Variants in RCOR2 observed in about 807,000 individuals in gnomAD.
RCOR2 encodes REST corepressor 2.
RCOR2 carries 19 observed loss-of-function variants against 58.9 expected under a neutral mutation model. That is an observed-to-expected ratio of 0.32 (90% CI 0.23 to 0.47). The LOEUF (loss-of-function observed/expected upper bound fraction) is 0.47, where lower values mean the gene tolerates loss of function less well. Among genes scored for constraint, RCOR2 ranks in the 20% least tolerant of loss-of-function variants. The pLI is 1.00. For synonymous variants in RCOR2, 286 were observed against 278.7 expected, an observed-to-expected ratio of 1.03 and a Z score of -0.26; for missense variants, 590 against 707.9, an observed-to-expected ratio of 0.83 and a Z score of 1.89.
rs1234599833 is a variant in RCOR2, at chr11:63,911,838, C to A, written c.*27G>T. ...GATGGCCAGCAAAGGGGTCCTGGAG[C>A]CCGTGGTTGGTGGAGGACGTCAGGG... On this transcript the variant is annotated 3_prime_UTR_variant, in exon 12 of 12. Coordinates refer to ENST00000301459, the MANE Select transcript of RCOR2 (RefSeq NM_173587.4). 1 of 1,484,382 alleles carries A rather than the reference C, an allele frequency of 6.7e-7. No homozygotes were observed. The highest frequency in any genetic ancestry group is 2.9e-5 in the Admixed American group (1 of 34,692). 92.0% of individuals were successfully genotyped at this position (1,484,382 alleles called of 1,614,324 possible).
At chr11:63,913,881 G>A in intron 8 of RCOR2, 73 bp downstream of exon 8, 1 of 1,381,626 alleles carries the variant, frequency 7.2e-7, no homozygotes, top group Non-Finnish European at 1.0e-6. Flanking sequence ...TTACACCTCA[G>A]CTCCCCCTAG....
chr11:63,912,824 C>G, intron 9 of RCOR2, 46 bp downstream of exon 9: 1 of 1,607,946 alleles, frequency 6.2e-7, no homozygotes, highest in Non-Finnish European at 8.5e-7. Context: ...GCTCTGCCTC[C>G]AGAGAGAAAC....
rs1378170738 is a variant in RCOR2 at position 63,915,272 on chromosome 11, G to A, written c.185-14C>T. ...GTGCGGGGCTCTCTGAAAGGCCGAG[G>A]AGCAGGAGGGAAGACACTCAGATCA... On this transcript the variant is annotated splice_polypyrimidine_tract_variant and intron_variant, in intron 2 of 11. Transcript: ENST00000301459. 9.7e-6 allele frequency: 15 copies of A among 1,550,324 alleles called. No individual in the cohort carries two copies. In the South Asian group the frequency reaches 1.4e-4, roughly 15 times the overall value.
At position 63,916,505 on chromosome 11, in the gene RCOR2, A is replaced by G. The variant is rs1360063391; in HGVS notation, c.-49T>C. The G allele has an allele frequency of 6.4e-7, 1 of 1,571,290 alleles. No individual in the cohort carries two copies. Among genetic ancestry groups the G allele is most frequent in the Non-Finnish European group, 8.6e-7 (1 of 1,161,116 alleles). On this transcript the variant is annotated 5_prime_UTR_variant, in exon 1 of 12. Transcript: ENST00000301459. ...GGCGCAGGAGCCTTCGGAGAGCGAC[A>G]GTGGTTGCCGCACTCGCTCCGAGTG...
chr11:63,913,844 T>A, intron 8 of RCOR2, 110 bp downstream of exon 8: 1 of 1,016,678 alleles, frequency 9.8e-7, no homozygotes. Context: ...TCCCAGAGGA[T>A]GGGGCTCGGC....
In RCOR2 at chr11:63,913,491, A is replaced by AT. The variant is rs775816114; in HGVS notation, c.891+462dup. Reference sequence around the variant, plus strand: ...AGGTATGAGCCACCGTGCTCGGCCTATTTTTTTTTGAGACGGAATCTCACT... The same window carrying AT: ...AGGTATGAGCCACCGTGCTCGGCCTATTTTTTTTTTGAGACGGAATCTCACT... On this transcript the variant is annotated intron_variant, in intron 8 of 11. Transcript: ENST00000301459. Among the ~76,000 whole-genome samples the AT allele has an allele frequency of 1.9e-3, 241 of 126,730 alleles. 12 individuals are homozygous for AT. Among genetic ancestry groups the AT allele is most frequent in the South Asian group, 3.5e-3 (14 of 3,964 alleles). 83.1% of individuals were successfully genotyped at this position (126,730 alleles called of 152,430 possible).
Position 63,912,438 on chromosome 11 carries a change from C to T in RCOR2, c.1124G>A (p.Arg375His), listed in dbSNP as rs768003765. ...CAGCACCTCCTCCAGATTGAAGCGG[C>T]GCCGGTAGCTCACAAAGAAAGTCTT... is the stretch of plus-strand genomic sequence containing the variant. ...QVKTFFVSYR[R>H]RFNLEEVLQE... The change falls in exon 11 of 12, where the codon CGC becomes CAC. Residue 375 changes from arginine to histidine, a missense_variant. Arg to His is a conservative substitution (Grantham distance 29, BLOSUM62 0). Around this residue, in one of 3 missense-constraint regions of RCOR2, gnomAD observed 196 missense variants for 210.7 expected, o/e 0.93. Coordinates refer to ENST00000301459, the MANE Select transcript of RCOR2 (RefSeq NM_173587.4). 5 of 1,613,942 alleles carry T rather than the reference C, an allele frequency of 3.1e-6. No homozygotes were observed. Among genetic ancestry groups the T allele is most frequent in the East Asian group, 2.2e-5 (1 of 44,882 alleles).
At position 63,914,814 on chromosome 11, in the gene RCOR2, C is replaced by A; in HGVS notation, c.321G>T (p.Ala107=). The A allele has an allele frequency of 1.2e-6, 2 of 1,605,782 alleles. No homozygotes were observed. The highest frequency in any genetic ancestry group is 8.5e-7 in the Non-Finnish European group (1 of 1,175,694). ...KEKHGYNIEQ[A]LGMLLWHKHD... Reference sequence around the variant, plus strand: ...GCTTATGCCACAGAAGCATGCCCAGCGCCTGGCCCGGGGCAAGGGGCAGCT... The same window carrying A: ...GCTTATGCCACAGAAGCATGCCCAGAGCCTGGCCCGGGGCAAGGGGCAGCT... The change falls in exon 5 of 12, where the codon GCG becomes GCT. Residue 107 remains alanine, a splice_region_variant and synonymous_variant. Coordinates refer to ENST00000301459, the MANE Select transcript of RCOR2 (RefSeq NM_173587.4).
intron 1 of RCOR2, 80 bp downstream of exon 1, chr11:63,916,250 G>C: frequency 1.6e-6 from 2 of 1,250,968 alleles, no homozygotes; most frequent in Non-Finnish European, 2.2e-6. Context: ...ACAGGCTCGT[G>C]GTCTGCAACT....
At chr11:63,923,089 T>C in the RCOR2 span, among the ~76,000 whole-genome samples, 237 of 152,054 alleles carry the variant, frequency 1.6e-3, 1 homozygote, top group Admixed American at 2.4e-3. Flanking sequence ...TTCATGGCCT[T>C]TGTCTGCTCC....
chr11:63,913,066 C>G (rs1941800643), intron 8 of RCOR2, 119 bp from the exon 9 acceptor site: 1 of 806,212 alleles, frequency 1.2e-6, no homozygotes, highest in Non-Finnish European at 2.0e-6. Flanking sequence ...AAGCTTTCTG[C>G]CATCCACCAT....
chr11:63,922,141 C>T (rs1388795850), upstream of RCOR2, among the ~76,000 whole-genome samples: 2 of 152,190 alleles, frequency 1.3e-5, no homozygotes, highest in African/African-American at 4.8e-5. Context: ...CAGATTCCAG[C>T]ACCATGCTCT....
intron 1 of RCOR2, 86 bp downstream of exon 1, chr11:63,916,244 G>T: frequency 8.2e-7 from 1 of 1,215,504 alleles, no homozygotes; most frequent in Non-Finnish European, 1.2e-6. Context: ...AGTGTAACAG[G>T]CTCGTGGTCT....
the RCOR2 span, among the ~76,000 whole-genome samples, chr11:63,924,726 A>AT: frequency 6.6e-6 from 1 of 150,620 alleles, no homozygotes; most frequent in Non-Finnish European, 1.5e-5. Flanking sequence ...TTTCTTTTTT[A>AT]TTTTTTGAGA....
At position 63,916,789 on chromosome 11, in the gene RCOR2, C is replaced by T. The variant is rs549118534; in HGVS notation, c.-333G>A. 7.8e-5 allele frequency: 20 copies of T among 255,540 alleles called. No individual in the cohort carries two copies. In the South Asian group the frequency reaches 1.5e-3, roughly 19 times the overall value. The allele number at this position is 255,540 out of a possible 1,614,324, so 15.8% of individuals were successfully genotyped here. On this transcript the variant is annotated 5_prime_UTR_variant, in exon 1 of 12. Coordinates refer to ENST00000301459, the MANE Select transcript of RCOR2 (RefSeq NM_173587.4). ...CCCTGAAGTCGGGGCCCCCTGTCCT[C>T]GGGGCGCCCTGGAACCCCACCGCCC... is the stretch of plus-strand genomic sequence containing the variant.
At chr11:63,926,779 GT>G in the RCOR2 span, among the ~76,000 whole-genome samples, 64 of 119,272 alleles carry the variant, frequency 5.4e-4, no homozygotes, top group Admixed American at 7.2e-4. Flanking sequence ...TGCCTGGCCT[GT>G]TTTTTTTTTT....
chr11:63,927,073 T>C, the RCOR2 span, among the ~76,000 whole-genome samples: 1 of 151,582 alleles, frequency 6.6e-6, no homozygotes, highest in Non-Finnish European at 1.5e-5. Context: ...ACTCCTGGCC[T>C]CACGTGATCC....
chr11:63,913,180 A>ATTTTT (rs1161435029), intron 8 of RCOR2, among the ~76,000 whole-genome samples: 6 of 104,284 alleles, frequency 5.8e-5, no homozygotes, highest in African/African-American at 1.5e-4. Flanking sequence ...ATATATATAT[A>ATTTTT]TATATTTTTT....
chr11:63,911,990 TG>T lies in RCOR2; in HGVS notation c.1446del (p.Asn483ThrfsTer29). The T allele has an allele frequency of 3.9e-6, 4 of 1,027,122 alleles. No homozygotes were observed. Among genetic ancestry groups the T allele is most frequent in the South Asian group, 1.8e-5 (1 of 57,010 alleles). 63.6% of individuals were successfully genotyped at this position (1,027,122 alleles called of 1,614,324 possible). A position where few individuals can be genotyped will look rare whatever the true frequency, so the allele number is the denominator to read the frequency against. On this transcript the variant is annotated frameshift_variant, in exon 12 of 12. Coordinates refer to ENST00000301459, the MANE Select transcript of RCOR2 (RefSeq NM_173587.4). LOFTEE classifies it high-confidence loss of function. ...QGRFLQPRLA[P>X]NQPPPPLIRP... ...CGGATGAGAGGCGGTGGGGGCTGGTTGGGGGCCAGCCGGGGCTGGAGGAAGC... is the reference window on the plus strand; with the variant it reads ...CGGATGAGAGGCGGTGGGGGCTGGTTGGGGCCAGCCGGGGCTGGAGGAAGC...
Sources: allele counts gnomAD v4.1 joint callset (sites outside exome capture counted in the v4.1 genomes callset), GRCh38; gene constraint gnomAD v4.1.1; regional missense constraint gnomAD v4.1.1; transcripts MANE v1.5; gene names NCBI Gene and HGNC (gene_info 2026-07-23, HGNC 2026-07-21).